Variants in ADAMTS20 observed in about 807,000 individuals in gnomAD.
ADAMTS20 encodes the protein ADAM metallopeptidase with thrombospondin type 1 motif 20.
ADAMTS20 carries 225 observed loss-of-function variants against 260.1 expected under a neutral mutation model. That is an observed-to-expected ratio of 0.87 (90% CI 0.78 to 0.97). The LOEUF is 0.97. Among genes scored for constraint, ADAMTS20 ranks in the 50% least tolerant of loss-of-function variants. The pLI is 0.00. For synonymous variants in ADAMTS20, 802 were observed against 769.5 expected (o/e 1.04, Z -0.70); for missense variants, 2,400 against 2,337.7 (o/e 1.03, Z -0.55).
At chr12:43,362,389 G>A (rs1029545088) in intron 37 of ADAMTS20, among the ~76,000 whole-genome samples, 3 of 152,138 alleles carry the variant, frequency 2.0e-5, no homozygotes, top group African/African-American at 7.2e-5. Context: ...CCATGTTGGA[G>A]GTAGGTACTC....
chr12:43,437,087 A>C (rs1170476819), intron 18 of ADAMTS20, among the ~76,000 whole-genome samples: 1 of 152,220 alleles, frequency 6.6e-6, no homozygotes, highest in African/African-American at 2.4e-5. Context: ...CACACAAAAA[A>C]GGTAAAATAA....
At chr12:43,359,737 T>A (rs1290819693) in intron 37 of ADAMTS20, among the ~76,000 whole-genome samples, 1 of 152,232 alleles carries the variant, frequency 6.6e-6, no homozygotes, top group East Asian at 1.9e-4. Context: ...GAAAACATTG[T>A]CTTTTCAACA....
At chr12:43,434,788 T>C (rs780360677) in intron 18 of ADAMTS20, among the ~76,000 whole-genome samples, 3 of 152,202 alleles carry the variant, frequency 2.0e-5, no homozygotes, top group Admixed American at 1.3e-4. Flanking sequence ...TGCAATGTTA[T>C]AGTAACTTCC....
intron 24 of ADAMTS20, 28 bp from the exon 25 acceptor site, chr12:43,428,827 G>A: frequency 2.5e-6 from 4 of 1,574,000 alleles, no homozygotes; most frequent in Non-Finnish European, 3.5e-6. Flanking sequence ...TTGTATCCGG[G>A]CATTATACAG....
intron 3 of ADAMTS20, among the ~76,000 whole-genome samples, chr12:43,502,912 T>C (rs1198631062): frequency 6.6e-6 from 1 of 152,094 alleles, no homozygotes; most frequent in Non-Finnish European, 1.5e-5. Context: ...AAAATAACAA[T>C]ATGTGGGTGA....
chr12:43,440,960 G>T (rs1031470970), intron 16 of ADAMTS20, among the ~76,000 whole-genome samples: 1 of 151,934 alleles, frequency 6.6e-6, no homozygotes, highest in Non-Finnish European at 1.5e-5. Context: ...AGCTACTCCG[G>T]AGGCTGAGGC....
intron 29 of ADAMTS20, among the ~76,000 whole-genome samples, chr12:43,396,744 G>T (rs964391359): frequency 2.0e-5 from 3 of 152,066 alleles, no homozygotes; most frequent in Non-Finnish European, 2.9e-5. Flanking sequence ...TTCATATTTG[G>T]TGGTAAGCCA....
At chr12:43,454,909 C>A (rs747207456) in intron 11 of ADAMTS20, among the ~76,000 whole-genome samples, 2 of 152,126 alleles carry the variant, frequency 1.3e-5, no homozygotes, top group Admixed American at 1.3e-4. Flanking sequence ...GCAAAACATG[C>A]ATAACATAAA....
intron 28 of ADAMTS20, among the ~76,000 whole-genome samples, chr12:43,421,464 A>G (rs970603155): frequency 1.3e-5 from 2 of 152,064 alleles, no homozygotes; most frequent in African/African-American, 4.8e-5. Flanking sequence ...AAAACATTCC[A>G]AGAAAATAAA....
chr12:43,444,992 C>T (rs1055357331), intron 15 of ADAMTS20, among the ~76,000 whole-genome samples: 2 of 152,130 alleles, frequency 1.3e-5, no homozygotes, highest in African/African-American at 2.4e-5. Flanking sequence ...TATTGACCTA[C>T]AAGAATAATT....
At chr12:43,435,658 C>CAAAAAAAAAAAAAAAAA (rs1941538760) in intron 18 of ADAMTS20, among the ~76,000 whole-genome samples, 2 of 105,444 alleles carry the variant, frequency 1.9e-5, no homozygotes, top group African/African-American at 3.6e-5. Context: ...AAAAAAAAAA[C>CAAAAAAAAAAAAAAAAA]AAAAAAATAA....
At chr12:43,546,367 C>A (rs1943440651) in intron 2 of ADAMTS20, among the ~76,000 whole-genome samples, 1 of 152,024 alleles carries the variant, frequency 6.6e-6, no homozygotes, top group Non-Finnish European at 1.5e-5. Context: ...TTTCCTTCAA[C>A]CAGAAAGACT....
intron 19 of ADAMTS20, chr12:43,433,724 A>G (rs902507433): frequency 2.3e-6 from 1 of 441,036 alleles, no homozygotes; most frequent in African/African-American, 2.0e-5. Flanking sequence ...ACACACACAC[A>G]CACACACACA....
At chr12:43,545,437 C>T (rs2137528392) in intron 2 of ADAMTS20, among the ~76,000 whole-genome samples, 1 of 152,314 alleles carries the variant, frequency 6.6e-6, no homozygotes, top group Non-Finnish European at 1.5e-5. Context: ...TTATTCATTC[C>T]TCAAAGTCCA....
downstream of ADAMTS20, among the ~76,000 whole-genome samples, chr12:43,353,654 A>C (rs2047694): frequency 0.51 from 77,419 of 151,782 alleles, 20,558 homozygotes; most frequent in East Asian, 0.89. Context: ...AGCAAAAATT[A>C]AAGAAAAAAT....
intron 28 of ADAMTS20, among the ~76,000 whole-genome samples, chr12:43,419,771 A>G (rs1028786973): frequency 6.6e-6 from 1 of 152,028 alleles, no homozygotes; most frequent in Non-Finnish European, 1.5e-5. Flanking sequence ...CTCCTCTTTT[A>G]TGATCTCACC....
At chr12:43,433,815 T>G in intron 19 of ADAMTS20, 1 of 485,288 alleles carries the variant, frequency 2.1e-6, no homozygotes, top group Non-Finnish European at 4.1e-6. Context: ...TCCCTAAAGT[T>G]TAATGGACAA....
chr12:43,439,921 T>C lies in ADAMTS20; in HGVS notation c.2439A>G (p.Arg813=). ...NAVERINSTN[R]QEKELILQVL... is the part of the protein sequence containing the mutation. ...CCTGCAAAATAAGTTCTTTCTCTTG[T>C]CGATTAGTACTATTAATTCTTTCAA... The change falls in exon 17 of 39, where the codon CGA becomes CGG. Residue 813 remains arginine (R), a synonymous_variant. Coordinates refer to ENST00000389420, the MANE Select transcript of ADAMTS20 (RefSeq NM_025003.5). The C allele has an allele frequency of 6.2e-7, 1 of 1,606,082 alleles. No homozygotes were observed. Among genetic ancestry groups the C allele is most frequent in the Non-Finnish European group, 8.5e-7 (1 of 1,175,840 alleles).
intron 3 of ADAMTS20, among the ~76,000 whole-genome samples, chr12:43,506,137 A>AAACAAC (rs374372258): frequency 7.6e-5 from 10 of 131,504 alleles, no homozygotes; most frequent in African/African-American, 1.6e-4. Flanking sequence ...AAACAAACAA[A>AAACAAC]AACAACAACA....
Sources: allele counts gnomAD v4.1 joint callset (sites outside exome capture counted in the v4.1 genomes callset), GRCh38; gene constraint gnomAD v4.1.1; transcripts MANE v1.5; gene names NCBI Gene and HGNC (gene_info 2026-07-23, HGNC 2026-07-21).